MAPKBP1: variants seen among roughly 807,000 people sequenced by gnomAD.
The protein encoded by MAPKBP1 is mitogen-activated protein kinase-binding protein 1.
MAPKBP1 carries 71 observed loss-of-function variants against 170.5 expected under a neutral mutation model. The observed-to-expected ratio is 0.42, with a 90% confidence interval of 0.34 to 0.51. The LOEUF (loss-of-function observed/expected upper bound fraction) is 0.51. MAPKBP1 is among the 20% of genes least tolerant of loss of function. MAPKBP1 has a pLI of 0.06. For missense variants in MAPKBP1, 1,598 were observed against 1,933.0 expected, an observed-to-expected ratio of 0.83 and a Z score of 3.25; for synonymous variants, 719 against 757.9, an observed-to-expected ratio of 0.95 and a Z score of 0.84.
intron 2 of MAPKBP1, among the ~76,000 whole-genome samples, chr15:41,795,758 C>T (rs752215816): frequency 7.2e-5 from 11 of 152,128 alleles, no homozygotes; most frequent in Non-Finnish European, 1.5e-4. Flanking sequence ...AGGTGCACGG[C>T]GTCACGCCCG....
intron 2 of MAPKBP1, among the ~76,000 whole-genome samples, chr15:41,782,592 A>G (rs1429943314): frequency 6.6e-6 from 1 of 152,208 alleles, no homozygotes; most frequent in Non-Finnish European, 1.5e-5. Context: ...TGGTAGTTAC[A>G]TAGCCAGTGA....
intron 2 of MAPKBP1, among the ~76,000 whole-genome samples, chr15:41,776,547 T>G (rs2064101169): frequency 6.6e-6 from 1 of 152,242 alleles, no homozygotes; most frequent in Non-Finnish European, 1.5e-5. Context: ...TTCATCATTG[T>G]TTCTATTCTC....
intron 2 of MAPKBP1, among the ~76,000 whole-genome samples, chr15:41,793,507 T>C (rs1236477359): frequency 6.6e-6 from 1 of 152,204 alleles, no homozygotes; most frequent in Non-Finnish European, 1.5e-5. Context: ...AGAATGTTAA[T>C]ATGTAATGGG....
chr15:41,825,117 C>G (rs1329988699), intron 30 of MAPKBP1, 92 bp from the exon 31 acceptor site: 25 of 943,932 alleles, frequency 2.6e-5, no homozygotes, highest in Non-Finnish European at 3.6e-5. Flanking sequence ...CAGCTAGTCC[C>G]TTCTGAGGCA....
At chr15:41,781,114 C>T (rs372690935) in intron 2 of MAPKBP1, among the ~76,000 whole-genome samples, 12 of 148,706 alleles carry the variant, frequency 8.1e-5, no homozygotes, top group African/African-American at 3.0e-4. Context: ...CTCACTCTGT[C>T]ACCTAGGCTG....
intron 2 of MAPKBP1, among the ~76,000 whole-genome samples, chr15:41,799,032 T>C (rs1308951985): frequency 6.6e-6 from 1 of 152,148 alleles, no homozygotes; most frequent in East Asian, 1.9e-4. Flanking sequence ...GAAAGACCAA[T>C]GAATTAATTT....
chr15:41,818,246 A>T lies in MAPKBP1; in HGVS notation c.2033A>T (p.Asn678Ile). 6.2e-7 allele frequency: 1 copy of T among 1,613,998 alleles called. No individual in the cohort carries two copies. The highest frequency in any genetic ancestry group is 8.5e-7 in the Non-Finnish European group (1 of 1,179,986). Residue 678 changes from asparagine to isoleucine, a missense_variant, in exon 18 of 31, where the codon AAT (asparagine) becomes ATT (isoleucine). Asn to Ile is a moderately radical substitution (Grantham distance 149). Coordinates refer to ENST00000457542, the MANE Select transcript of MAPKBP1 (RefSeq NM_014994.3). The surrounding 1 kb of genome is among the most constrained non-coding windows in gnomAD (Gnocchi z 5.2). ...ATTGCCACCAGCTGTTCTGACAAGA[A>T]TCTCTCCATTTTTGACTTCTCCTCA... ...IYIATSCSDK[N>I]LSIFDFSSGE... is the part of the protein sequence containing the mutation.
chr15:41,811,169 C>G lies in MAPKBP1; in HGVS notation c.270-9C>G. 6.2e-7 allele frequency: 1 copy of G among 1,614,212 alleles called. No individual in the cohort carries two copies. Among genetic ancestry groups the G allele is most frequent in the Non-Finnish European group, 8.5e-7 (1 of 1,180,026 alleles). ...CAGTGCCCCTCTGAGCCTGCCCCAT[C>G]TCTTGCAGGAAAACCATCACTGCCC... is the stretch of plus-strand genomic sequence containing the variant. On this transcript the variant is annotated splice_polypyrimidine_tract_variant and intron_variant, in intron 4 of 30. Coordinates refer to ENST00000457542, the MANE Select transcript of MAPKBP1 (RefSeq NM_014994.3).
rs202094778 is a variant in MAPKBP1, at chr15:41,823,695, G to A, written c.3847G>A (p.Ala1283Thr). Residue 1283 changes from alanine (A) to threonine (T), a missense_variant, in exon 29 of 31, where the codon GCC becomes ACC. Ala to Thr is a moderately conservative substitution (Grantham distance 58). Coordinates refer to ENST00000457542, the MANE Select transcript of MAPKBP1 (RefSeq NM_014994.3). ...PIRVSPLSKL[A>T]LPSRAHLVLD... Reference sequence around the variant, plus strand: ...CCGAGTCTCACCACTCAGCAAGCTGGCCCTGCCCAGCCGGGCTCACCTGGT... The same window carrying A: ...CCGAGTCTCACCACTCAGCAAGCTGACCCTGCCCAGCCGGGCTCACCTGGT... 9 of 1,614,148 alleles carry A rather than the reference G, an allele frequency of 5.6e-6. No homozygotes were observed. The highest frequency in any genetic ancestry group is 7.6e-6 in the Non-Finnish European group (9 of 1,180,022).
chr15:41,810,619 T>A (rs916174288), intron 3 of MAPKBP1: 10 of 412,070 alleles, frequency 2.4e-5, no homozygotes, highest in African/African-American at 2.2e-4. Context: ...CTAGGGAGGC[T>A]AAGGTGGGAG....
rs754721989 is a variant in MAPKBP1, at chr15:41,818,983, T to A, written c.2291+26T>A. On this transcript the variant is annotated intron_variant, in intron 20 of 30. Transcript: ENST00000457542. The surrounding 1 kb of genome is among the most constrained non-coding windows in gnomAD (Gnocchi z 5.2). ...GTGAGAACAGAATGTGGGCAAGTGA[T>A]GGGTGGGTGTGCAGATGGCTTGCTG... is the stretch of plus-strand genomic sequence containing the variant. 6.2e-7 allele frequency: 1 copy of A among 1,610,972 alleles called. No homozygotes were observed. The highest frequency in any genetic ancestry group is 1.7e-5 in the Admixed American group (1 of 59,984).
Position 41,812,945 on chromosome 15 carries a change from C to G in MAPKBP1, c.663C>G (p.Gly221=). 6.2e-7 allele frequency: 1 copy of G among 1,607,228 alleles called. No homozygotes were observed. Among genetic ancestry groups the G allele is most frequent in the Non-Finnish European group, 8.5e-7 (1 of 1,176,604 alleles). The change falls in exon 8 of 31, where the codon GGC becomes GGG. Residue 221 remains glycine, a synonymous_variant. Coordinates refer to ENST00000457542, the MANE Select transcript of MAPKBP1 (RefSeq NM_014994.3). ...SKVNATVPLL[G]RSGLLGELRN... is the part of the protein sequence containing the mutation. ...TGAATGCCACTGTGCCCTTGCTGGG[C>G]CGCTCAGGGCTGCTGGGAGAGCTAC...
At chr15:41,808,271 T>C (rs2064739093) in intron 3 of MAPKBP1, among the ~76,000 whole-genome samples, 1 of 151,034 alleles carries the variant, frequency 6.6e-6, no homozygotes, top group South Asian at 2.1e-4. Flanking sequence ...CACGCCTGGC[T>C]AATTTTTGTA....
At chr15:41,814,317 G>A (rs1376019066) in intron 9 of MAPKBP1, among the ~76,000 whole-genome samples, 3 of 152,176 alleles carry the variant, frequency 2.0e-5, no homozygotes, top group African/African-American at 7.2e-5. Flanking sequence ...GAAGTACCTT[G>A]TCTAACGTTG....
chr15:41,815,737 C>T lies in MAPKBP1; in HGVS notation c.1431C>T (p.Arg477=). Residue 477 remains arginine, a synonymous_variant, in exon 12 of 31, where the codon CGC becomes CGT. Coordinates refer to ENST00000457542, the MANE Select transcript of MAPKBP1 (RefSeq NM_014994.3). ...TGTTGGATCCCCGCGTGGGCATCCGCTCGGTGTGTGTCAGCCCCAATGGAC... is the reference window on the plus strand; with the variant it reads ...TGTTGGATCCCCGCGTGGGCATCCGTTCGGTGTGTGTCAGCCCCAATGGAC... The part of the protein sequence containing the change: ...ASLLDPRVGI[R]SVCVSPNGQH... 1 of 1,614,176 alleles carries T rather than the reference C, an allele frequency of 6.2e-7. No homozygotes were observed. The highest frequency in any genetic ancestry group is 8.5e-7 in the Non-Finnish European group (1 of 1,180,034).
intron 2 of MAPKBP1, among the ~76,000 whole-genome samples, chr15:41,788,497 C>T (rs1009908840): frequency 3.3e-5 from 5 of 151,790 alleles, no homozygotes; most frequent in African/African-American, 7.3e-5. Context: ...TGTAAGAGTA[C>T]GGAGGAGGAA....
rs1596097283 is a variant in MAPKBP1 at position 41,820,447 on chromosome 15, G to T, written c.2482-385G>T. The stretch of plus-strand genomic sequence containing the variant: ...CTTGGGGGACTCTTGGTAGTAAGTG[G>T]TTGCTGCTGGGGCTGTCCTCAGAGT... On this transcript the variant is annotated intron_variant, in intron 22 of 30. Coordinates refer to ENST00000457542, the MANE Select transcript of MAPKBP1 (RefSeq NM_014994.3). 2.0e-5 allele frequency among the ~76,000 whole-genome samples: 3 copies of T among 152,256 alleles called. No homozygotes were observed. In the South Asian group the frequency reaches 6.2e-4, roughly 32 times the overall value.
Position 41,799,821 on chromosome 15 carries a change from A to G in MAPKBP1, c.115-2A>G. ...CATGTCACTTCTCTCTTCCTCTAAC[A>G]GGTGACCTTGGAGAAGGTGCTGGGA... On this transcript the variant is annotated splice_acceptor_variant, in intron 2 of 30. Transcript: ENST00000457542. LOFTEE classifies it high-confidence loss of function. The G allele has an allele frequency of 6.2e-7, 1 of 1,612,294 alleles. No homozygotes were observed. The highest frequency in any genetic ancestry group is 8.5e-7 in the Non-Finnish European group (1 of 1,178,384).
At chr15:41,814,479 CT>C in intron 9 of MAPKBP1, 70 bp from the exon 10 acceptor site, 4 of 1,481,934 alleles carry the variant, frequency 2.7e-6, no homozygotes, top group Non-Finnish European at 3.7e-6. Context: ...CACACTGCTC[CT>C]TCCATTGTGG....
Sources: allele counts gnomAD v4.1 joint callset (sites outside exome capture counted in the v4.1 genomes callset), GRCh38; gene constraint gnomAD v4.1.1; non-coding constraint Gnocchi (gnomAD v3.1); transcripts MANE v1.5; gene names NCBI Gene and HGNC (gene_info 2026-07-23, HGNC 2026-07-21).